Variants in EEFSEC observed in about 807,000 individuals in gnomAD.
EEFSEC encodes the protein selenocysteine-specific elongation factor.
In EEFSEC, 43 loss-of-function variants were observed where a neutral mutation model predicts 42.1. That is an observed-to-expected ratio of 1.02 (90% CI 0.80 to 1.32). The LOEUF (loss-of-function observed/expected upper bound fraction) is 1.32. Among genes scored for constraint, EEFSEC ranks in the 40% most tolerant of loss-of-function variants. The pLI is 0.00. For synonymous variants in EEFSEC, 354 were observed against 339.1 expected, an observed-to-expected ratio of 1.04 and a Z score of -0.48; for missense variants, 745 against 803.6, an observed-to-expected ratio of 0.93 and a Z score of 0.88.
At chr3:128,383,761 A>G (rs2067804419) in intron 6 of EEFSEC, among the ~76,000 whole-genome samples, 1 of 152,182 alleles carries the variant, frequency 6.6e-6, no homozygotes, top group African/African-American at 2.4e-5. Context: ...AGGGGCTCAG[A>G]CTCAGATACA....
chr3:128,379,956 A>G (rs1438239298), intron 6 of EEFSEC, among the ~76,000 whole-genome samples: 3 of 152,240 alleles, frequency 2.0e-5, no homozygotes, highest in Admixed American at 2.0e-4. Context: ...TTGTGTTGGC[A>G]CATAGTAGGG....
intron 6 of EEFSEC, among the ~76,000 whole-genome samples, chr3:128,377,751 C>T (rs1446986483): frequency 6.6e-6 from 1 of 152,184 alleles, no homozygotes; most frequent in Non-Finnish European, 1.5e-5. Context: ...AAAATGAAAA[C>T]ATCACAGACA....
intron 4 of EEFSEC, among the ~76,000 whole-genome samples, chr3:128,322,934 G>A (rs1054743489): frequency 6.6e-5 from 10 of 152,200 alleles, no homozygotes; most frequent in South Asian, 2.1e-4. Flanking sequence ...GCAGATTGGT[G>A]GGGGCTGCTT....
chr3:128,158,597 T>A (rs1944419966), intron 1 of EEFSEC, among the ~76,000 whole-genome samples: 2 of 152,268 alleles, frequency 1.3e-5, no homozygotes, highest in Admixed American at 1.3e-4. Context: ...GGTTCAGTAA[T>A]CATTAGCATT....
chr3:128,189,465 T>C (rs2065498765), intron 1 of EEFSEC, among the ~76,000 whole-genome samples: 1 of 152,358 alleles, frequency 6.6e-6, no homozygotes, highest in African/African-American at 2.4e-5. Context: ...ATATAGTTAC[T>C]TATAGTACCT....
At position 128,254,997 on chromosome 3, in the gene EEFSEC, T is replaced by C. The variant is rs540159153; in HGVS notation, c.525-7131T>C. Among the ~76,000 whole-genome samples the C allele has an allele frequency of 2.0e-5, 3 of 152,254 alleles. No individual in the cohort carries two copies. In the East Asian group the frequency reaches 5.8e-4, roughly 29 times the overall value. On this transcript the variant is annotated intron_variant, in intron 2 of 6. Coordinates refer to ENST00000254730, the MANE Select transcript of EEFSEC (RefSeq NM_021937.5). ...GACTGATGAGAGACATCAGTGACCA[T>C]GCAGTCAGAGAGGACTAATTCAGAG...
At chr3:128,417,092 C>T in the EEFSEC span, among the ~76,000 whole-genome samples, 1 of 152,128 alleles carries the variant, frequency 6.6e-6, no homozygotes, top group Non-Finnish European at 1.5e-5. This position sits in a 1 kb window ranked among gnomAD's most constrained non-coding sequence, Gnocchi z 4.3. Flanking sequence ...CCATGGCCAC[C>T]AGCCCAGCCA....
At chr3:128,318,158 G>C (rs1008464694) in intron 4 of EEFSEC, among the ~76,000 whole-genome samples, 3 of 152,268 alleles carry the variant, frequency 2.0e-5, no homozygotes, top group African/African-American at 7.2e-5. Context: ...ACTGCATGAA[G>C]CTTGCATGGC....
In EEFSEC at chr3:128,198,832, G is replaced by GT. The variant is rs1034595451; in HGVS notation, c.316+45018dup. Among the ~76,000 whole-genome samples, 387 of 150,200 alleles carry GT rather than the reference G, an allele frequency of 2.6e-3. 5 individuals are homozygous for GT. The highest frequency in any genetic ancestry group is 8.2e-3 in the African/African-American group (337 of 40,916). ...GTTTTTTTTTTCTTAAAGACTTTCT[G>GT]TTTTTTTTTCTTTTTTTGAGGTGGA... On this transcript the variant is annotated intron_variant, in intron 1 of 6. Coordinates refer to ENST00000254730, the MANE Select transcript of EEFSEC (RefSeq NM_021937.5).
At chr3:128,167,071 A>G (rs1576512194) in intron 1 of EEFSEC, among the ~76,000 whole-genome samples, 1 of 152,108 alleles carries the variant, frequency 6.6e-6, no homozygotes, top group Admixed American at 6.5e-5. Flanking sequence ...AATGAACCAC[A>G]TGCAGGTCTG....
At chr3:128,256,884 C>T (rs1486801906) in intron 2 of EEFSEC, among the ~76,000 whole-genome samples, 1 of 152,186 alleles carries the variant, frequency 6.6e-6, no homozygotes, top group Non-Finnish European at 1.5e-5. Flanking sequence ...GCTGGGACTA[C>T]AGGCATGTGC....
At position 128,242,999 on chromosome 3, in the gene EEFSEC, C is replaced by T. The variant is rs147267172; in HGVS notation, c.317-3837C>T. 3.6e-3 allele frequency among the ~76,000 whole-genome samples: 549 copies of T among 152,272 alleles called. 1 individual carries two copies. Among genetic ancestry groups the T allele is most frequent in the African/African-American group, 0.012 (502 of 41,540 alleles). On this transcript the variant is annotated intron_variant, in intron 1 of 6. Transcript: ENST00000254730. ...ACTAGGGATTTTGAAAAAGGCAAGA[C>T]GGGCCAGTTGTGTCACTTCCTGTCG...
Position 128,293,090 on chromosome 3 carries a change from A to C in EEFSEC, c.786+28309A>C, listed in dbSNP as rs115780226. 4.8e-3 allele frequency among the ~76,000 whole-genome samples: 731 copies of C among 152,318 alleles called. 6 individuals carry two copies. Among genetic ancestry groups the C allele is most frequent in the African/African-American group, 0.017 (689 of 41,568 alleles). ...CTTTGCAAATGTTTGAGGATTTTCC[A>C]GTTAACTTGTTGTTAATTTATACTC... On this transcript the variant is annotated intron_variant, in intron 4 of 6. Transcript: ENST00000254730.
At chr3:128,246,425 G>A (rs2066128064) in intron 1 of EEFSEC, among the ~76,000 whole-genome samples, 1 of 152,034 alleles carries the variant, frequency 6.6e-6, no homozygotes, top group African/African-American at 2.4e-5. Context: ...CTTAGCAAGG[G>A]CAAGTATCTA....
intron 4 of EEFSEC, among the ~76,000 whole-genome samples, chr3:128,306,827 C>G (rs1218800440): frequency 2.0e-5 from 3 of 152,246 alleles, no homozygotes; most frequent in Admixed American, 6.5e-5. Flanking sequence ...CAAGGTCACT[C>G]AATTGCTAAT....
At chr3:128,206,309 C>A (rs192624895) in intron 1 of EEFSEC, among the ~76,000 whole-genome samples, 29 of 152,306 alleles carry the variant, frequency 1.9e-4, no homozygotes, top group Admixed American at 5.9e-4. Context: ...GGCAGGAGCT[C>A]CTCTTTGTGC....
At chr3:128,319,681 A>G (rs1424963426) in intron 4 of EEFSEC, among the ~76,000 whole-genome samples, 2 of 152,196 alleles carry the variant, frequency 1.3e-5, no homozygotes, top group Non-Finnish European at 2.9e-5. Context: ...TCTCTGCCTT[A>G]CAAGCTGTGG....
At chr3:128,178,621 T>C (rs2065375034) in intron 1 of EEFSEC, among the ~76,000 whole-genome samples, 1 of 152,202 alleles carries the variant, frequency 6.6e-6, no homozygotes, top group South Asian at 2.1e-4. Context: ...TCTATTAAAC[T>C]CTTTTGCTGT....
At chr3:128,323,624 C>T (rs1257283945) in intron 4 of EEFSEC, among the ~76,000 whole-genome samples, 1 of 152,170 alleles carries the variant, frequency 6.6e-6, no homozygotes, top group Non-Finnish European at 1.5e-5. Context: ...TGTTATTATC[C>T]CCTTTTTACT....
Sources: gnomAD v4.1 joint callset for allele counts (sites outside exome capture counted in the v4.1 genomes callset) on GRCh38, gnomAD v4.1.1 for gene constraint, Gnocchi (gnomAD v3.1) non-coding constraint, MANE v1.5 for transcripts, NCBI Gene and HGNC (gene_info 2026-07-23, HGNC 2026-07-21) for gene names.